MYBL2: variants seen among roughly 807,000 people sequenced by gnomAD.
MYBL2 encodes the protein MYB proto-oncogene like 2, also known as myb-related protein B.
In MYBL2, 28 loss-of-function variants were observed where a neutral mutation model predicts 79.9. The ratio of observed to expected loss-of-function variants is 0.35; its 90% CI spans 0.26 to 0.48. The LOEUF (loss-of-function observed/expected upper bound fraction) is 0.48. Among genes scored for constraint, MYBL2 ranks in the 20% least tolerant of loss-of-function variants. The probability of loss-of-function intolerance (pLI) is 0.99; values close to 1 mark genes in which losing one functional copy is unlikely to be tolerated. For missense variants in MYBL2, 735 were observed against 893.9 expected, an observed-to-expected ratio of 0.82 and a Z score of 2.27; for synonymous variants, 378 against 361.2, an observed-to-expected ratio of 1.05 and a Z score of -0.53.
chr20:43,674,019 G>C (rs893898514), intron 2 of MYBL2, 120 bp downstream of exon 2: 19 of 874,224 alleles, frequency 2.2e-5, no homozygotes, highest in African/African-American at 6.7e-5. Context: ...TGAAGGAAGG[G>C]ATGGGTCCTC....
intron 4 of MYBL2, 87 bp from the exon 5 acceptor site, chr20:43,686,765 A>G: frequency 7.4e-7 from 1 of 1,353,378 alleles, no homozygotes; most frequent in Non-Finnish European, 1.0e-6. Context: ...TCTCAGGGCC[A>G]TGGCAAGGCT....
Position 43,699,130 on chromosome 20 carries a change from C to T in MYBL2, c.664-627C>T, listed in dbSNP as rs181915864. ...CTCAGCTCACTGCAACCTCTGCCTC[C>T]CAGGTTCAAGCAATTCTCCTGCCTC... On this transcript the variant is annotated intron_variant, in intron 6 of 13. Transcript: ENST00000217026. Among the ~76,000 whole-genome samples, 356 of 152,188 alleles carry T rather than the reference C, an allele frequency of 2.3e-3. 1 individual carries two copies. Among genetic ancestry groups the T allele is most frequent in the African/African-American group, 8.2e-3 (339 of 41,504 alleles).
At chr20:43,712,172 C>T (rs1334285153) in intron 11 of MYBL2, among the ~76,000 whole-genome samples, 6 of 152,202 alleles carry the variant, frequency 3.9e-5, no homozygotes, top group South Asian at 2.1e-4. Context: ...CCCAAGCCTC[C>T]GTTCTATGCC....
intron 6 of MYBL2, among the ~76,000 whole-genome samples, chr20:43,694,641 A>G (rs1301148984): frequency 1.3e-5 from 2 of 152,222 alleles, no homozygotes; most frequent in Non-Finnish European, 2.9e-5. Flanking sequence ...CCCAATATGA[A>G]TGCACCTATG....
chr20:43,697,844 G>C (rs1987579902), intron 6 of MYBL2, among the ~76,000 whole-genome samples: 1 of 151,774 alleles, frequency 6.6e-6, no homozygotes, highest in Non-Finnish European at 1.5e-5. Context: ...GAACCTGGGA[G>C]GTGGAGCTTG....
chr20:43,684,101 A>T (rs1987210446), intron 4 of MYBL2, among the ~76,000 whole-genome samples: 1 of 151,856 alleles, frequency 6.6e-6, no homozygotes, highest in Admixed American at 6.6e-5. Context: ...ATCTTTTTGA[A>T]AAATTTTTGT....
intron 2 of MYBL2, among the ~76,000 whole-genome samples, chr20:43,676,052 G>C (rs373622779): frequency 6.6e-6 from 1 of 151,906 alleles, no homozygotes; most frequent in African/African-American, 2.4e-5. Context: ...TTACAGGCAC[G>C]TGCCACCACG....
intron 6 of MYBL2, among the ~76,000 whole-genome samples, chr20:43,694,395 A>G (rs541652724): frequency 1.4e-3 from 33 of 24,324 alleles, no homozygotes; most frequent in Middle Eastern, 0.022. Flanking sequence ...ATGACAAAAA[A>G]TAGATTTGAT....
chr20:43,693,352 T>C (rs574061638), intron 6 of MYBL2, among the ~76,000 whole-genome samples: 2 of 152,212 alleles, frequency 1.3e-5, no homozygotes, highest in East Asian at 3.9e-4. Context: ...AGTTTTTATT[T>C]ATTTATTTTT....
At chr20:43,692,496 A>G (rs1987437451) in intron 6 of MYBL2, among the ~76,000 whole-genome samples, 177 bp downstream of exon 6, 2 of 152,304 alleles carry the variant, frequency 1.3e-5, no homozygotes, top group East Asian at 1.9e-4. Context: ...CTGCCTGCAG[A>G]TGAAGGATAG....
chr20:43,669,061 A>G (rs556226159), intron 1 of MYBL2, among the ~76,000 whole-genome samples: 2 of 152,190 alleles, frequency 1.3e-5, no homozygotes, highest in East Asian at 3.9e-4. Flanking sequence ...GATGGGTTTC[A>G]CTGTGTTGCT....
At chr20:43,670,117 CAA>C (rs1986823261) in intron 1 of MYBL2, among the ~76,000 whole-genome samples, 1 of 152,072 alleles carries the variant, frequency 6.6e-6, no homozygotes, top group Non-Finnish European at 1.5e-5. Flanking sequence ...AATAAACAAA[CAA>C]ACAAACAAAC....
At chr20:43,702,245 G>A (rs1470418028) in intron 7 of MYBL2, among the ~76,000 whole-genome samples, 1 of 152,218 alleles carries the variant, frequency 6.6e-6, no homozygotes, top group Non-Finnish European at 1.5e-5. Context: ...CCTGCAGTGA[G>A]CTGTGATTGT....
At chr20:43,712,269 C>T (rs1440800011) in intron 11 of MYBL2, among the ~76,000 whole-genome samples, 1 of 152,216 alleles carries the variant, frequency 6.6e-6, no homozygotes, top group Non-Finnish European at 1.5e-5. Flanking sequence ...AGACTGCTCT[C>T]CTCAAGGGAG....
intron 1 of MYBL2, among the ~76,000 whole-genome samples, chr20:43,668,508 G>A (rs1014977135): frequency 2.0e-5 from 3 of 151,736 alleles, no homozygotes; most frequent in African/African-American, 7.3e-5. Flanking sequence ...CCAAACTTCG[G>A]TCCCTCTTTA....
chr20:43,696,500 C>T (rs1376199911), intron 6 of MYBL2, among the ~76,000 whole-genome samples: 7 of 152,394 alleles, frequency 4.6e-5, no homozygotes, highest in Non-Finnish European at 8.8e-5. Context: ...GGATTACAGG[C>T]GTGAGCCACC....
chr20:43,711,868 A>G (rs970585234), intron 11 of MYBL2, among the ~76,000 whole-genome samples: 7 of 152,070 alleles, frequency 4.6e-5, no homozygotes, highest in Admixed American at 1.3e-4. Context: ...GCTGGGCTGG[A>G]TGTGGTGGAT....
rs768139191 is a variant in MYBL2, at chr20:43,715,261, G to A, written c.1952G>A (p.Ser651Asn). The A allele has an allele frequency of 1.9e-6, 3 of 1,614,220 alleles. No homozygotes were observed. Among genetic ancestry groups the A allele is most frequent in the Non-Finnish European group, 2.5e-6 (3 of 1,180,044 alleles). The change falls in exon 13 of 14, where the codon AGC becomes AAC. Residue 651 changes from serine to asparagine, a missense_variant. Ser to Asn is a conservative substitution (Grantham distance 46, BLOSUM62 1). This residue lies in a region of MYBL2 where 204 missense variants were observed against 202.9 expected (regional missense o/e 1.01). Transcript: ENST00000217026. ...GCAGCAGTGGCCCAGAAGCCCCGAA[G>A]CCACTTCACGACACCTGCCCCTGTG... The part of the protein sequence containing the change: ...EKAAVAQKPR[S>N]HFTTPAPMSS...
At chr20:43,705,476 A>T (rs979568059) in intron 9 of MYBL2, 118 bp downstream of exon 9, 12 of 1,220,108 alleles carry the variant, frequency 9.8e-6, no homozygotes, top group Admixed American at 7.6e-5. Context: ...AACACTGAAG[A>T]CTGTTTTAAG....
Sources: allele counts gnomAD v4.1 joint callset (sites outside exome capture counted in the v4.1 genomes callset), GRCh38; gene constraint gnomAD v4.1.1; regional missense constraint gnomAD v4.1.1; transcripts MANE v1.5; gene names NCBI Gene and HGNC (gene_info 2026-07-23, HGNC 2026-07-21).